CACNA2D4: variants seen among roughly 807,000 people sequenced by gnomAD.
The protein encoded by CACNA2D4 is voltage-dependent calcium channel subunit alpha-2/delta-4.
Under a neutral mutation model 163.8 loss-of-function variants are expected in CACNA2D4, and 157 were observed. That is an observed-to-expected ratio of 0.96 (90% confidence interval 0.84 to 1.09). The LOEUF (loss-of-function observed/expected upper bound fraction) is 1.09. Ranked by LOEUF, CACNA2D4 falls within the 50% of genes least tolerant of loss-of-function variation. The pLI is 0.00. For missense variants in CACNA2D4, 1,410 were observed against 1,479.9 expected (o/e 0.95, Z 0.78); for synonymous variants, 598 against 586.9 (o/e 1.02, Z -0.27).
At chr12:1,853,843 C>A (rs776164722) in intron 23 of CACNA2D4, 108 bp downstream of exon 23, 4 of 784,936 alleles carry the variant, frequency 5.1e-6, no homozygotes, top group Non-Finnish European at 6.4e-6. Flanking sequence ...GGCCAAAGGA[C>A]GTGGGTTCTC....
intron 18 of CACNA2D4, among the ~76,000 whole-genome samples, chr12:1,866,107 G>A (rs1865646655): frequency 6.6e-6 from 1 of 152,196 alleles, no homozygotes; most frequent in Non-Finnish European, 1.5e-5. Flanking sequence ...GGGTGAGAGT[G>A]TTCAATATTT....
chr12:1,905,468 C>CA (rs1169587819), intron 6 of CACNA2D4, among the ~76,000 whole-genome samples: 1 of 152,036 alleles, frequency 6.6e-6, no homozygotes, highest in Non-Finnish European at 1.5e-5. Flanking sequence ...AAAGATTCCA[C>CA]AAAAAACTGT....
chr12:1,908,120 G>T, intron 4 of CACNA2D4, 83 bp from the exon 5 acceptor site: 2 of 1,394,436 alleles, frequency 1.4e-6, no homozygotes, highest in Admixed American at 3.9e-5. Context: ...GCGCAGGTGA[G>T]AGGACGAGAG....
chr12:1,885,109 G>T, intron 9 of CACNA2D4, 33 bp from the exon 10 acceptor site: 1 of 1,545,594 alleles, frequency 6.5e-7, no homozygotes. Context: ...GAAGCATCAG[G>T]GGGTTGAGTG....
intron 4 of CACNA2D4, among the ~76,000 whole-genome samples, chr12:1,909,493 C>T (rs1447772477): frequency 6.6e-6 from 1 of 152,220 alleles, no homozygotes; most frequent in Non-Finnish European, 1.5e-5. Flanking sequence ...CGCGCCTGGG[C>T]GTGTTTTCTT....
chr12:1,849,058 T>C (rs890716589), intron 23 of CACNA2D4, among the ~76,000 whole-genome samples: 1 of 152,214 alleles, frequency 6.6e-6, no homozygotes, highest in African/African-American at 2.4e-5. Flanking sequence ...CCAGGTTCAT[T>C]GTGCGTATTT....
intron 6 of CACNA2D4, among the ~76,000 whole-genome samples, chr12:1,900,850 A>G (rs1866520410): frequency 1.3e-5 from 2 of 152,214 alleles, no homozygotes; most frequent in South Asian, 4.1e-4. Flanking sequence ...CGGGCCAAAT[A>G]GACTTAATTG....
At position 1,806,167 on chromosome 12, in the gene CACNA2D4, G is replaced by A. The variant is rs1863530321; in HGVS notation, c.2721+4111C>T. Among the ~76,000 whole-genome samples, 1 of 152,170 alleles carries A rather than the reference G, an allele frequency of 6.6e-6. No homozygotes were observed. The highest frequency in any genetic ancestry group is 1.5e-5 in the Non-Finnish European group (1 of 68,022). ...TTTGAAGCTTCCATGGGTGGGTGCC[G>A]CCCAGAAGCAAATGACAGGAATCGG... On this transcript the variant is annotated intron_variant, in intron 29 of 37. Transcript: ENST00000382722. The surrounding 1 kb of genome is among the most constrained non-coding windows in gnomAD (Gnocchi z 4.1).
chr12:1,840,337 C>T (rs1214370927), intron 26 of CACNA2D4, among the ~76,000 whole-genome samples: 3 of 151,990 alleles, frequency 2.0e-5, no homozygotes, highest in Admixed American at 1.3e-4. Context: ...TCTATTAACC[C>T]GCCAGCCTTC....
At chr12:1,840,571 GT>G (rs1023776400) in intron 26 of CACNA2D4, among the ~76,000 whole-genome samples, 167 bp downstream of exon 26, 2 of 152,200 alleles carry the variant, frequency 1.3e-5, no homozygotes, top group Non-Finnish European at 2.9e-5. Context: ...AAGTTTTATG[GT>G]TTTACAAATG....
rs1183377144 is a variant in CACNA2D4 at position 1,878,965 on chromosome 12, G to T, written c.1635C>A (p.Pro545=). 1 of 1,613,582 alleles carries T rather than the reference G, an allele frequency of 6.2e-7. No homozygotes were observed. The highest frequency in any genetic ancestry group is 1.3e-5 in the African/African-American group (1 of 74,894). ...VALRELMKLA[P]RYKLGVHGYA... is the part of the protein sequence containing the mutation. ...ACAGACCCAGGCTCACCTTGTACCG[G>T]GGCGCCAGCTTCATCAGCTCTCTCA... Residue 545 remains proline, a synonymous_variant, in exon 15 of 38, where the codon CCC becomes CCA. Transcript: ENST00000382722. The surrounding 1 kb of genome is among the most constrained non-coding windows in gnomAD (Gnocchi z 4.6).
intron 6 of CACNA2D4, among the ~76,000 whole-genome samples, chr12:1,887,666 C>G (rs184763197): frequency 1.3e-3 from 195 of 152,284 alleles, no homozygotes; most frequent in African/African-American, 4.0e-3. Flanking sequence ...TAGCAGAATG[C>G]TGGTGTAGAT....
chr12:1,861,802 T>C (rs1371920871), intron 18 of CACNA2D4, among the ~76,000 whole-genome samples: 1 of 151,714 alleles, frequency 6.6e-6, no homozygotes, highest in Non-Finnish European at 1.5e-5. Flanking sequence ...TATTACCTAA[T>C]TAGCTTCGAT....
At chr12:1,793,835 A>C in intron 37 of CACNA2D4, 76 bp from the exon 38 acceptor site, 1 of 1,223,152 alleles carries the variant, frequency 8.2e-7, no homozygotes, top group Non-Finnish European at 1.2e-6. Context: ...TCCACCACTA[A>C]TTTGGGCCAA....
At chr12:1,827,063 G>C (rs569049291) in intron 26 of CACNA2D4, among the ~76,000 whole-genome samples, 1 of 152,226 alleles carries the variant, frequency 6.6e-6, no homozygotes, top group South Asian at 2.1e-4. Context: ...GCCGCCTGGA[G>C]CAGTGGGCTG....
chr12:1,877,495 T>C (rs538866736), intron 16 of CACNA2D4, among the ~76,000 whole-genome samples: 7 of 152,328 alleles, frequency 4.6e-5, no homozygotes, highest in African/African-American at 1.7e-4. Context: ...AGAGTTTGCC[T>C]TAAATAGTTA....
intron 6 of CACNA2D4, among the ~76,000 whole-genome samples, chr12:1,889,275 C>T (rs1266714131): frequency 2.0e-5 from 3 of 152,314 alleles, no homozygotes; most frequent in African/African-American, 7.2e-5. Context: ...AACATCCTCA[C>T]ATGCATGAGG....
intron 29 of CACNA2D4, among the ~76,000 whole-genome samples, chr12:1,805,780 A>G (rs1183289208): frequency 6.6e-6 from 1 of 152,252 alleles, no homozygotes; most frequent in Admixed American, 6.5e-5. Context: ...CACCGCTGCC[A>G]GGGCATGTGG....
intron 23 of CACNA2D4, among the ~76,000 whole-genome samples, chr12:1,852,549 C>T (rs1865305322): frequency 6.6e-6 from 1 of 152,096 alleles, no homozygotes; most frequent in Admixed American, 6.6e-5. Flanking sequence ...TTATTTAATG[C>T]CTTTTCTATA....
Sources: gnomAD v4.1 joint callset for allele counts (sites outside exome capture counted in the v4.1 genomes callset) on GRCh38, gnomAD v4.1.1 for gene constraint, Gnocchi (gnomAD v3.1) non-coding constraint, MANE v1.5 for transcripts, NCBI Gene and HGNC (gene_info 2026-07-23, HGNC 2026-07-21) for gene names.